The following HTR1F variants were observed in gnomAD, a reference collection of about 807,000 sequenced individuals.
HTR1F encodes 5-hydroxytryptamine receptor 1F, also known as 5-hydroxytryptamine (serotonin) receptor 1F, G protein-coupled.
Under a neutral mutation model 24.0 loss-of-function variants are expected in HTR1F, and 17 were observed. That is an observed-to-expected ratio of 0.71 (90% CI 0.48 to 1.06). The LOEUF is 1.06. Among genes scored for constraint, HTR1F ranks in the 50% least tolerant of loss-of-function variants. HTR1F has a pLI of 0.00. For synonymous variants in HTR1F, 186 were observed against 156.8 expected (o/e 1.19, Z -1.39); for missense variants, 391 against 427.8 (o/e 0.91, Z 0.76).
intron 2 of HTR1F, among the ~76,000 whole-genome samples, chr3:87,883,244 GA>G (rs1436244598): frequency 2.0e-5 from 3 of 152,162 alleles, no homozygotes; most frequent in African/African-American, 7.2e-5. Context: ...CTGTTGAAAG[GA>G]AAACTAACAA....
At chr3:87,869,056 A>G (rs1477950516) in intron 2 of HTR1F, among the ~76,000 whole-genome samples, 1 of 152,068 alleles carries the variant, frequency 6.6e-6, no homozygotes, top group African/African-American at 2.4e-5. Flanking sequence ...TATAAATAAT[A>G]ATAAGATAAC....
intron 1 of HTR1F, among the ~76,000 whole-genome samples, chr3:87,819,063 C>T (rs1704304184): frequency 6.6e-6 from 1 of 152,174 alleles, no homozygotes; most frequent in African/African-American, 2.4e-5. Flanking sequence ...AGCTTACTCC[C>T]AGTTTTTCAC....
intron 2 of HTR1F, among the ~76,000 whole-genome samples, chr3:87,840,456 G>A (rs1268717816): frequency 6.6e-6 from 1 of 152,080 alleles, no homozygotes; most frequent in African/African-American, 2.4e-5. Context: ...GAAAAGGGAA[G>A]CTTTATACTG....
At chr3:87,942,739 C>CTT (rs1553680480) in intron 2 of HTR1F, among the ~76,000 whole-genome samples, 61 of 144,560 alleles carry the variant, frequency 4.2e-4, no homozygotes, top group Non-Finnish European at 7.3e-4. Context: ...AAGCGGTGGC[C>CTT]TTTTTTTTTT....
At chr3:87,807,227 A>G (rs1704088562) in intron 1 of HTR1F, among the ~76,000 whole-genome samples, 2 of 152,128 alleles carry the variant, frequency 1.3e-5, no homozygotes, top group South Asian at 4.1e-4. Flanking sequence ...CAGTATGGTC[A>G]TTTGAAGGAT....
intron 2 of HTR1F, among the ~76,000 whole-genome samples, chr3:87,964,324 A>G (rs1156955752): frequency 6.6e-6 from 1 of 152,204 alleles, no homozygotes; most frequent in Non-Finnish European, 1.5e-5. Flanking sequence ...TTATTTACCC[A>G]TAAGCATACC....
At chr3:87,909,913 C>T (rs1423359386) in intron 2 of HTR1F, among the ~76,000 whole-genome samples, 13 of 151,920 alleles carry the variant, frequency 8.6e-5, no homozygotes, top group Non-Finnish European at 1.2e-4. Context: ...AAGCATACTC[C>T]ATGGTCTTTT....
At chr3:87,904,242 A>G (rs893111870) in intron 2 of HTR1F, among the ~76,000 whole-genome samples, 1 of 152,148 alleles carries the variant, frequency 6.6e-6, no homozygotes, top group Non-Finnish European at 1.5e-5. Flanking sequence ...TGACAATGAC[A>G]AGGAAGTGGA....
chr3:87,942,245 A>G (rs1477974371), intron 2 of HTR1F, among the ~76,000 whole-genome samples: 1 of 152,160 alleles, frequency 6.6e-6, no homozygotes, highest in African/African-American at 2.4e-5. Context: ...TGAAAAGAGT[A>G]AAGTTCCCCA....
At chr3:87,865,504 TTGAC>T (rs10553453) in intron 2 of HTR1F, among the ~76,000 whole-genome samples, 37,814 of 151,592 alleles carry the variant, frequency 0.25, 7,484 homozygotes, top group African/African-American at 0.56. Flanking sequence ...AATAATTATC[TTGAC>T]TGACTGTTAC....
chr3:87,876,237 C>T (rs1394736731), intron 2 of HTR1F, among the ~76,000 whole-genome samples: 3 of 152,166 alleles, frequency 2.0e-5, no homozygotes, highest in Non-Finnish European at 4.4e-5. Context: ...CATGATCCAG[C>T]AATACCACTT....
intron 2 of HTR1F, among the ~76,000 whole-genome samples, chr3:87,909,178 T>C (rs1703724936): frequency 6.6e-6 from 1 of 152,014 alleles, no homozygotes; most frequent in Admixed American, 6.6e-5. Flanking sequence ...TCCCCTGCTG[T>C]GCAAAGGAGA....
chr3:87,932,066 GT>G (rs1559637559), intron 2 of HTR1F, among the ~76,000 whole-genome samples: 1 of 152,088 alleles, frequency 6.6e-6, no homozygotes, highest in Non-Finnish European at 1.5e-5. Context: ...CCATTTGTCA[GT>G]TTTGGCTTTT....
At chr3:87,897,734 G>T (rs2107319157) in intron 2 of HTR1F, among the ~76,000 whole-genome samples, 1 of 151,968 alleles carries the variant, frequency 6.6e-6, no homozygotes, top group East Asian at 1.9e-4. Flanking sequence ...CAACCATTTT[G>T]TTTTATCCAC....
At chr3:87,820,207 C>T (rs1380555895) in intron 1 of HTR1F, among the ~76,000 whole-genome samples, 3 of 138,824 alleles carry the variant, frequency 2.2e-5, no homozygotes, top group South Asian at 2.3e-4. Flanking sequence ...GACAGAGTCT[C>T]GCTCTGTCGC....
chr3:87,933,654 G>A, intron 2 of HTR1F, among the ~76,000 whole-genome samples: 1 of 152,210 alleles, frequency 6.6e-6, no homozygotes, highest in Non-Finnish European at 1.5e-5. Context: ...CAAGGGACAT[G>A]AAGGACCTCT....
chr3:87,846,855 A>G (rs560536375), intron 2 of HTR1F, among the ~76,000 whole-genome samples: 9 of 152,066 alleles, frequency 5.9e-5, no homozygotes, highest in Admixed American at 4.6e-4. Flanking sequence ...GTTGAATTTT[A>G]TAGTTTTATA....
chr3:87,854,372 G>T (rs908969159), intron 2 of HTR1F, among the ~76,000 whole-genome samples: 4 of 151,706 alleles, frequency 2.6e-5, no homozygotes, highest in African/African-American at 9.7e-5. Context: ...TTATTTCCAA[G>T]ATTTTTTTCT....
intron 2 of HTR1F, among the ~76,000 whole-genome samples, chr3:87,933,905 T>G (rs555479354): frequency 2.0e-5 from 3 of 152,212 alleles, no homozygotes; most frequent in African/African-American, 4.8e-5. Context: ...TTCCAGCCTA[T>G]AATGAGAAGA....
Sources: gnomAD v4.1 joint callset for allele counts (sites outside exome capture counted in the v4.1 genomes callset) on GRCh38, gnomAD v4.1.1 for gene constraint, MANE v1.5 for transcripts, NCBI Gene and HGNC (gene_info 2026-07-23, HGNC 2026-07-21) for gene names.